Variants in VSTM2B observed in about 807,000 individuals in gnomAD.
VSTM2B encodes the protein V-set and transmembrane domain-containing protein 2B.
In VSTM2B, 24 loss-of-function variants were observed where a neutral mutation model predicts 24.0. That is an observed-to-expected ratio of 1.00 (90% CI 0.72 to 1.40). VSTM2B has a LOEUF of 1.40. Ranked by LOEUF, VSTM2B falls within the 40% of genes most tolerant of loss-of-function variation. The pLI is 0.00. For synonymous variants in VSTM2B, 226 were observed against 194.4 expected, an observed-to-expected ratio of 1.16 and a Z score of -1.35; for missense variants, 399 against 416.4, an observed-to-expected ratio of 0.96 and a Z score of 0.36.
intron 2 of VSTM2B, among the ~76,000 whole-genome samples, chr19:29,527,871 G>A (rs1969626772): frequency 1.3e-5 from 2 of 152,142 alleles, no homozygotes; most frequent in African/African-American, 4.8e-5. Flanking sequence ...CCACTTCTCT[G>A]TGGCCGAAAA....
At position 29,526,010 on chromosome 19, in the gene VSTM2B, G is replaced by C. The variant is rs1345936879; in HGVS notation, c.-574G>C. On this transcript the variant is annotated 5_prime_UTR_variant, in exon 1 of 5. Coordinates refer to ENST00000335523, the MANE Select transcript of VSTM2B (RefSeq NM_001146339.2). The surrounding 1 kb of genome is among the most constrained non-coding windows in gnomAD (Gnocchi z 4.1). ...CCTCTCCCCGCCTCTCTCCGGCTCC[G>C]GGTCCGCCACGCCGGACCCGCTCTC... Among the ~76,000 whole-genome samples the C allele has an allele frequency of 1.3e-5, 2 of 151,886 alleles. No individual in the cohort carries two copies. The highest frequency in any genetic ancestry group is 2.9e-5 in the Non-Finnish European group (2 of 67,926).
At chr19:29,538,416 G>A (rs763789462) in intron 4 of VSTM2B, among the ~76,000 whole-genome samples, 11 of 152,128 alleles carry the variant, frequency 7.2e-5, no homozygotes, top group Admixed American at 5.2e-4. Context: ...CGTTATTCAC[G>A]GGAATGGTGT....
At position 29,527,297 on chromosome 19, in the gene VSTM2B, A is replaced by G. The variant is rs1368189008; in HGVS notation, c.169A>G (p.Thr57Ala). Reference protein sequence around the residue: ...MPCAFRASGATSYSLEIQWWY... With the variant: ...MPCAFRASGAASYSLEIQWWY... ...CTGCGCGTTCCGGGCCAGCGGAGCC[A>G]CCTCGTATTCGCTGGAGATTCAGTG... Residue 57 changes from threonine (T) to alanine (A), a missense_variant, in exon 2 of 5, where the codon ACC (threonine) becomes GCC (alanine). By Grantham distance (58) the Thr-to-Ala change is moderately conservative (BLOSUM62 0). Coordinates refer to ENST00000335523, the MANE Select transcript of VSTM2B (RefSeq NM_001146339.2). 1 of 1,550,360 alleles carries G rather than the reference A, an allele frequency of 6.5e-7. No individual in the cohort carries two copies. The highest frequency in any genetic ancestry group is 1.2e-5 in the South Asian group (1 of 83,974).
intron 4 of VSTM2B, among the ~76,000 whole-genome samples, chr19:29,531,336 G>A (rs1969753448): frequency 6.6e-6 from 1 of 152,180 alleles, no homozygotes; most frequent in African/African-American, 2.4e-5. Context: ...CCTGGCTTTG[G>A]GTACAGGTGC....
chr19:29,532,409 TG>T (rs1969780282), intron 4 of VSTM2B, among the ~76,000 whole-genome samples: 1 of 152,208 alleles, frequency 6.6e-6, no homozygotes, highest in African/African-American at 2.4e-5. Context: ...ATACAGGCAG[TG>T]CTCAGGGAGA....
chr19:29,559,806 G>C (rs1197330608), intron 4 of VSTM2B, among the ~76,000 whole-genome samples: 2 of 152,162 alleles, frequency 1.3e-5, no homozygotes, highest in Non-Finnish European at 2.9e-5. Context: ...AGGCGCTGTT[G>C]TTTACATGTT....
chr19:29,532,047 G>A (rs1385802583), intron 4 of VSTM2B, among the ~76,000 whole-genome samples: 1 of 152,236 alleles, frequency 6.6e-6, no homozygotes, highest in Non-Finnish European at 1.5e-5. Context: ...TCTCAGGCAT[G>A]CATTGTGTAT....
intron 4 of VSTM2B, among the ~76,000 whole-genome samples, chr19:29,542,606 T>G (rs1489942509): frequency 2.0e-5 from 3 of 151,658 alleles, no homozygotes; most frequent in Admixed American, 6.6e-5. Flanking sequence ...ATGGATGGAT[T>G]GATGGATGAG....
At position 29,539,240 on chromosome 19, in the gene VSTM2B, T is replaced by C. The variant is rs1476166291; in HGVS notation, c.769+8950T>C. ...CGAGTCCTGGCTGTGCTAACAGGGC[T>C]CCTGGGGAAAGCTGCTCCATGTCAT... is the stretch of plus-strand genomic sequence containing the variant. On this transcript the variant is annotated intron_variant, in intron 4 of 4. Transcript: ENST00000335523. Among the ~76,000 whole-genome samples, 2 of 152,166 alleles carry C rather than the reference T, an allele frequency of 1.3e-5. 1 individual carries two copies. The highest frequency in any genetic ancestry group is 2.9e-5 in the Non-Finnish European group (2 of 68,024).
intron 4 of VSTM2B, among the ~76,000 whole-genome samples, chr19:29,552,648 G>A (rs1970312859): frequency 6.6e-6 from 1 of 152,248 alleles, no homozygotes; most frequent in Non-Finnish European, 1.5e-5. Flanking sequence ...GACTGCCTAA[G>A]ACTACTGAGT....
intron 4 of VSTM2B, among the ~76,000 whole-genome samples, chr19:29,530,937 A>G (rs963004912): frequency 6.7e-6 from 1 of 150,084 alleles, no homozygotes; most frequent in Non-Finnish European, 1.5e-5. Context: ...ACTGTTAGGA[A>G]GGCACCCAGA....
chr19:29,544,899 C>T, intron 4 of VSTM2B, among the ~76,000 whole-genome samples: 1 of 152,180 alleles, frequency 6.6e-6, no homozygotes, highest in East Asian at 1.9e-4. Flanking sequence ...TTTTGTGAGC[C>T]TGTCAGGGTT....
intron 3 of VSTM2B, among the ~76,000 whole-genome samples, chr19:29,529,386 G>A (rs556138122): frequency 1.3e-5 from 2 of 152,354 alleles, no homozygotes; most frequent in Admixed American, 1.3e-4. Context: ...CGGCTGGGGC[G>A]GGACTGTCGG....
At chr19:29,556,254 A>G (rs1022531752) in intron 4 of VSTM2B, among the ~76,000 whole-genome samples, 4 of 150,812 alleles carry the variant, frequency 2.7e-5, no homozygotes, top group Non-Finnish European at 4.5e-5. Context: ...TGCACAAAAC[A>G]TAATTCTAAA....
rs1209562778 is a variant in VSTM2B at position 29,526,720 on chromosome 19, C to T, written c.82+55C>T. 7.0e-6 allele frequency: 10 copies of T among 1,418,900 alleles called. No homozygotes were observed. The highest frequency in any genetic ancestry group is 4.6e-5 in the African/African-American group (3 of 65,420). 87.9% of individuals were successfully genotyped at this position (1,418,900 alleles called of 1,614,324 possible). ...GACTCGGGGGGGTCTTTGCTGGGGC[C>T]GCCACCGAGAAGAAGAAGAAAGAGA... is the stretch of plus-strand genomic sequence containing the variant. On this transcript the variant is annotated intron_variant, in intron 1 of 4. Coordinates refer to ENST00000335523, the MANE Select transcript of VSTM2B (RefSeq NM_001146339.2). This position sits in a 1 kb window ranked among gnomAD's most constrained non-coding sequence, Gnocchi z 4.1.
At chr19:29,554,499 C>A (rs1970363394) in intron 4 of VSTM2B, among the ~76,000 whole-genome samples, 1 of 152,132 alleles carries the variant, frequency 6.6e-6, no homozygotes, top group African/African-American at 2.4e-5. Flanking sequence ...CACTATGAAG[C>A]AACTATGTCA....
At chr19:29,563,764 C>A in intron 4 of VSTM2B, 82 bp from the exon 5 acceptor site, 2 of 1,283,996 alleles carry the variant, frequency 1.6e-6, no homozygotes, top group Non-Finnish European at 2.2e-6. Context: ...CCTGGGGAAG[C>A]CTCACTGTTC....
chr19:29,556,529 G>T (rs1970412896), intron 4 of VSTM2B, among the ~76,000 whole-genome samples: 1 of 152,138 alleles, frequency 6.6e-6, no homozygotes, highest in East Asian at 1.9e-4. Context: ...GGAGGTTCTG[G>T]CCAGGACAAT....
chr19:29,559,044 G>A (rs1000413945), intron 4 of VSTM2B, among the ~76,000 whole-genome samples: 3 of 152,170 alleles, frequency 2.0e-5, no homozygotes, highest in Non-Finnish European at 2.9e-5. Flanking sequence ...CATTGTGGAA[G>A]ACAATGTGGC....
Sources: gnomAD v4.1 joint callset for allele counts (sites outside exome capture counted in the v4.1 genomes callset) on GRCh38, gnomAD v4.1.1 for gene constraint, Gnocchi (gnomAD v3.1) non-coding constraint, MANE v1.5 for transcripts, NCBI Gene and HGNC (gene_info 2026-07-23, HGNC 2026-07-21) for gene names.